The following PLA2R1 variants were observed in gnomAD, a reference collection of about 807,000 sequenced individuals.
The protein encoded by PLA2R1 is secretory phospholipase A2 receptor.
PLA2R1 carries 158 observed loss-of-function variants against 195.9 expected under a neutral mutation model. The observed-to-expected ratio is 0.81, with a 90% CI of 0.71 to 0.92. The LOEUF is 0.92. Ranked by LOEUF, PLA2R1 falls within the 40% of genes least tolerant of loss-of-function variation. PLA2R1 has a pLI of 0.00. For missense variants in PLA2R1, 1,626 were observed against 1,764.6 expected (o/e 0.92, Z 1.41); for synonymous variants, 586 against 598.2 (o/e 0.98, Z 0.30).
chr2:160,026,541 T>C (rs1573924882), intron 6 of PLA2R1, among the ~76,000 whole-genome samples: 1 of 152,160 alleles, frequency 6.6e-6, no homozygotes, highest in Admixed American at 6.5e-5. Flanking sequence ...GTTTTGGACA[T>C]TGGAGGGCAG....
At chr2:160,010,226 T>C (rs745845480) in intron 10 of PLA2R1, among the ~76,000 whole-genome samples, 41 of 152,376 alleles carry the variant, frequency 2.7e-4, no homozygotes, top group Non-Finnish European at 5.1e-4. Flanking sequence ...CAATATTCTA[T>C]GGCTGATTGA....
chr2:159,982,951 C>T (rs1409146312), intron 13 of PLA2R1, among the ~76,000 whole-genome samples: 2 of 152,064 alleles, frequency 1.3e-5, no homozygotes, highest in Non-Finnish European at 1.5e-5. Context: ...TTGAATTATC[C>T]AACCAGCTAT....
At chr2:159,977,771 A>T (rs1400273089) in intron 14 of PLA2R1, among the ~76,000 whole-genome samples, 2 of 152,022 alleles carry the variant, frequency 1.3e-5, no homozygotes, top group Admixed American at 1.3e-4. Flanking sequence ...CCCCATCTCT[A>T]CTAAAAATAC....
chr2:160,026,558 T>C (rs1397065964), intron 6 of PLA2R1, among the ~76,000 whole-genome samples: 1 of 152,168 alleles, frequency 6.6e-6, no homozygotes, highest in Non-Finnish European at 1.5e-5. Flanking sequence ...GCAGTGGTGA[T>C]GCACATGCTT....
chr2:159,983,788 T>C (rs900014933), intron 13 of PLA2R1, 140 bp downstream of exon 13: 8 of 517,648 alleles, frequency 1.5e-5, no homozygotes, highest in Non-Finnish European at 2.8e-5. Context: ...TAAAACTATA[T>C]GTATATTTAT....
chr2:160,007,278 T>C (rs189965021), intron 10 of PLA2R1, among the ~76,000 whole-genome samples: 157 of 152,326 alleles, frequency 1.0e-3, no homozygotes, highest in African/African-American at 3.6e-3. Context: ...GGCAGAGTAG[T>C]AATACCGGGT....
At chr2:160,060,510 A>G (rs1460280932) in intron 1 of PLA2R1, among the ~76,000 whole-genome samples, 1 of 152,218 alleles carries the variant, frequency 6.6e-6, no homozygotes, top group Admixed American at 6.5e-5. Flanking sequence ...GGAATGGTAC[A>G]TAACCTCCGT....
In PLA2R1 at chr2:160,045,138, G is replaced by A. The variant is rs143185634; in HGVS notation, c.129C>T (p.Ile43=). Residue 43 remains isoleucine, a synonymous_variant, in exon 2 of 30, where the codon ATC becomes ATT. Transcript: ENST00000283243. ...LEWQDKGIFV[I]QSESLKKCIQ... is the part of the protein sequence containing the mutation. ...TGCATTTCTTGAGACTCTCACTTTGGATAACAAATATTCCTTTATCTGAAA... is the reference window on the plus strand; with the variant it reads ...TGCATTTCTTGAGACTCTCACTTTGAATAACAAATATTCCTTTATCTGAAA... The A allele has an allele frequency of 1.2e-6, 2 of 1,601,952 alleles. No homozygotes were observed. The highest frequency in any genetic ancestry group is 1.7e-6 in the Non-Finnish European group (2 of 1,171,268).
rs36040063 is a variant in PLA2R1 at position 159,967,589 on chromosome 2, G to T, written c.2854C>A (p.Pro952Thr). 2 of 1,613,482 alleles carry T rather than the reference G, an allele frequency of 1.2e-6. No individual in the cohort carries two copies. Among genetic ancestry groups the T allele is most frequent in the Non-Finnish European group, 1.7e-6 (2 of 1,179,568 alleles). ...VWLIEKKKDT[P>T]KQHGTCPKGW... ...TTGGGACACGTTCCATGTTGTTTTGGTGTATCTTTCTTTTTCTCTATGAGC... is the reference window on the plus strand; with the variant it reads ...TTGGGACACGTTCCATGTTGTTTTGTTGTATCTTTCTTTTTCTCTATGAGC... The change falls in exon 20 of 30, where the codon CCA (proline) becomes ACA (threonine). Residue 952 changes from proline to threonine, a missense_variant. Coordinates refer to ENST00000283243, the MANE Select transcript of PLA2R1 (RefSeq NM_007366.5).
intron 3 of PLA2R1, among the ~76,000 whole-genome samples, chr2:160,035,561 T>C (rs976091187): frequency 1.4e-4 from 21 of 152,242 alleles, no homozygotes; most frequent in Non-Finnish European, 2.9e-4. Context: ...TGTTATATTC[T>C]TTACATCTTT....
chr2:159,939,028 G>A lies in PLA2R1; in HGVS notation c.*2750C>T, dbSNP rs1346631544. 6.6e-6 allele frequency: 1 copy of A among 152,180 alleles called. No homozygotes were observed. The highest frequency in any genetic ancestry group is 1.5e-5 in the Non-Finnish European group (1 of 68,038). The allele number at this position is 152,180 out of a possible 1,614,324, so 9.4% of individuals were successfully genotyped here. On this transcript the variant is annotated 3_prime_UTR_variant, in exon 30 of 30. Coordinates refer to ENST00000283243, the MANE Select transcript of PLA2R1 (RefSeq NM_007366.5). ...TGTTGGAGGGGCACATTAACTATGT[G>A]TGAATTTGTGATCCTGCCGCTTTTT...
chr2:159,966,212 G>A (rs555863932), intron 20 of PLA2R1, among the ~76,000 whole-genome samples: 5 of 152,162 alleles, frequency 3.3e-5, no homozygotes, highest in Admixed American at 6.5e-5. Context: ...TTGTCCAACC[G>A]TCAAAAGGAA....
chr2:160,045,876 C>T lies in PLA2R1; in HGVS notation c.110-719G>A, dbSNP rs115180243. Among the ~76,000 whole-genome samples, 714 of 152,258 alleles carry T rather than the reference C, an allele frequency of 4.7e-3. 6 individuals carry two copies. The highest frequency in any genetic ancestry group is 0.016 in the African/African-American group (679 of 41,544). Reference sequence around the variant, plus strand: ...CACGAGAGGTGACGGACCACCATTACGGTGGCAGAAACCAGAGGCCACATG... The same window carrying T: ...CACGAGAGGTGACGGACCACCATTATGGTGGCAGAAACCAGAGGCCACATG... On this transcript the variant is annotated intron_variant, in intron 1 of 29. Transcript: ENST00000283243.
rs139939898 is a variant in PLA2R1 at position 159,951,654 on chromosome 2, C to G, written c.3302-76G>C. The stretch of plus-strand genomic sequence containing the variant: ...GAAGAGGCAAAGCTTAGCATAGATC[C>G]TTGTCACTATGATCCATGTTGATCA... On this transcript the variant is annotated intron_variant, in intron 23 of 29. Transcript: ENST00000283243. The G allele has an allele frequency of 1.2e-4, 95 of 772,660 alleles. No homozygotes were observed. The African/African-American group carries it at 1.4e-3, about 12-fold the overall frequency. 47.9% of individuals were successfully genotyped at this position (772,660 alleles called of 1,614,324 possible).
chr2:160,028,149 G>T (rs2105504000), intron 6 of PLA2R1, 69 bp downstream of exon 6: 1 of 1,038,498 alleles, frequency 9.6e-7, no homozygotes, highest in Non-Finnish European at 1.4e-6. Flanking sequence ...GCAAAAAATA[G>T]AGAAATTTAC....
chr2:159,991,027 G>A (rs1690746301), intron 11 of PLA2R1, among the ~76,000 whole-genome samples: 1 of 152,240 alleles, frequency 6.6e-6, no homozygotes, highest in Admixed American at 6.5e-5. Context: ...CACAAACGTA[G>A]TAGGCTTGCT....
In PLA2R1 at chr2:159,932,842, T is replaced by C. The variant is rs1029113754; in HGVS notation, c.*8936A>G. 6.6e-6 allele frequency: 1 copy of C among 152,172 alleles called. No homozygotes were observed. The highest frequency in any genetic ancestry group is 1.5e-5 in the Non-Finnish European group (1 of 68,032). The allele number at this position is 152,172 out of a possible 1,614,324, so 9.4% of individuals were successfully genotyped here. On this transcript the variant is annotated 3_prime_UTR_variant, in exon 30 of 30. Coordinates refer to ENST00000283243, the MANE Select transcript of PLA2R1 (RefSeq NM_007366.5). Reference sequence around the variant, plus strand: ...TTTGCTGTATTATATTAAAAATATATTTATTTGAAAAATATCCAGGAACAT... The same window carrying C: ...TTTGCTGTATTATATTAAAAATATACTTATTTGAAAAATATCCAGGAACAT...
In PLA2R1 at chr2:159,988,867, G is replaced by A. The variant is rs577153680; in HGVS notation, c.1835-1509C>T. Among the ~76,000 whole-genome samples, 8 of 152,262 alleles carry A rather than the reference G, an allele frequency of 5.3e-5. No homozygotes were observed. The East Asian group carries it at 1.2e-3, about 22-fold the overall frequency. ...TGCAAAGGAGAAGAAAGAAGACAAA[G>A]GAAGACATAGAGCATCTCTTTAGGA... is the stretch of plus-strand genomic sequence containing the variant. On this transcript the variant is annotated intron_variant, in intron 11 of 29. Coordinates refer to ENST00000283243, the MANE Select transcript of PLA2R1 (RefSeq NM_007366.5).
chr2:159,952,293 T>A (rs576457652), intron 23 of PLA2R1, among the ~76,000 whole-genome samples: 47 of 152,282 alleles, frequency 3.1e-4, no homozygotes, highest in African/African-American at 9.6e-4. Context: ...AAGCCTGTGT[T>A]TATGAACACG....
Sources: gnomAD v4.1 joint callset for allele counts (sites outside exome capture counted in the v4.1 genomes callset) on GRCh38, gnomAD v4.1.1 for gene constraint, MANE v1.5 for transcripts, NCBI Gene and HGNC (gene_info 2026-07-23, HGNC 2026-07-21) for gene names.